The following MSI2 variants were observed in gnomAD, a reference collection of about 807,000 sequenced individuals.
MSI2 encodes musashi RNA binding protein 2.
In MSI2, 17 loss-of-function variants were observed where a neutral mutation model predicts 45.6. The ratio of observed to expected loss-of-function variants is 0.37; its 90% CI spans 0.26 to 0.56. MSI2 has a LOEUF of 0.56. Ranked by LOEUF, MSI2 falls within the 20% of genes least tolerant of loss-of-function variation. The pLI, the probability that MSI2 is intolerant of heterozygous loss-of-function variation, is 0.77. For missense variants in MSI2, 293 were observed against 444.2 expected, an observed-to-expected ratio of 0.66 and a Z score of 3.06; for synonymous variants, 156 against 158.2, an observed-to-expected ratio of 0.99 and a Z score of 0.11.
intron 8 of MSI2, among the ~76,000 whole-genome samples, chr17:57,602,917 G>T (rs927254205): frequency 6.6e-6 from 1 of 152,196 alleles, no homozygotes; most frequent in African/African-American, 2.4e-5. Flanking sequence ...AGTGATTGGC[G>T]TGCACATTAA....
At chr17:57,451,881 G>A (rs1396294098) in intron 6 of MSI2, among the ~76,000 whole-genome samples, 2 of 152,150 alleles carry the variant, frequency 1.3e-5, no homozygotes, top group Admixed American at 6.5e-5. Context: ...GAAGGGACAG[G>A]GTACAATCTG....
chr17:57,670,146 G>A (rs1461094553), intron 11 of MSI2, among the ~76,000 whole-genome samples: 1 of 152,224 alleles, frequency 6.6e-6, no homozygotes, highest in Non-Finnish European at 1.5e-5. Context: ...TAGAGCCAGA[G>A]GTGCCCCCCT....
chr17:57,284,953 A>G (rs1314995186), intron 5 of MSI2, among the ~76,000 whole-genome samples: 1 of 150,530 alleles, frequency 6.6e-6, no homozygotes, highest in East Asian at 1.9e-4. Flanking sequence ...TATTGAAACT[A>G]TGGAGCTTAG....
intron 7 of MSI2, among the ~76,000 whole-genome samples, chr17:57,543,926 A>G (rs553446342): frequency 3.2e-4 from 49 of 152,312 alleles, no homozygotes; most frequent in Middle Eastern, 3.4e-3. Flanking sequence ...ATCTAATTAC[A>G]TGTTTTTATT....
intron 7 of MSI2, among the ~76,000 whole-genome samples, chr17:57,532,907 T>C (rs1488833421): frequency 6.6e-6 from 1 of 152,210 alleles, no homozygotes; most frequent in Non-Finnish European, 1.5e-5. Context: ...CAACTCATCC[T>C]TACCCCAGGA....
intron 5 of MSI2, among the ~76,000 whole-genome samples, chr17:57,305,414 G>A (rs919626886): frequency 4.6e-5 from 7 of 152,146 alleles, no homozygotes; most frequent in Admixed American, 4.6e-4. Flanking sequence ...GTGCCTTCTT[G>A]CAAACAAACA....
chr17:57,549,781 C>T (rs1387767548), intron 7 of MSI2, among the ~76,000 whole-genome samples: 1 of 152,222 alleles, frequency 6.6e-6, no homozygotes, highest in Non-Finnish European at 1.5e-5. Flanking sequence ...AGCTCCTTGA[C>T]CCCTAGGTGG....
At chr17:57,459,053 G>A (rs1162725558) in intron 6 of MSI2, among the ~76,000 whole-genome samples, 5 of 152,230 alleles carry the variant, frequency 3.3e-5, no homozygotes, top group Non-Finnish European at 7.3e-5. Context: ...TGGGAGCTTG[G>A]CAGAGGCAGG....
At chr17:57,574,828 CTTTT>C (rs34704876) in intron 7 of MSI2, among the ~76,000 whole-genome samples, 10 of 128,390 alleles carry the variant, frequency 7.8e-5, no homozygotes, top group African/African-American at 2.3e-4. Context: ...CTCTCTCTCT[CTTTT>C]TTTTTTTTTT....
chr17:57,298,590 G>A (rs1268383668), intron 5 of MSI2, among the ~76,000 whole-genome samples: 2 of 152,160 alleles, frequency 1.3e-5, no homozygotes, highest in African/African-American at 4.8e-5. Context: ...GAGCCTGGGA[G>A]TTGGAGGCTG....
At chr17:57,358,402 G>A (rs78524595) in intron 5 of MSI2, among the ~76,000 whole-genome samples, 1,814 of 152,226 alleles carry the variant, frequency 0.012, 35 homozygotes, top group African/African-American at 0.041. Context: ...GCCAGGCTGC[G>A]TCCATTTGAA....
intron 5 of MSI2, among the ~76,000 whole-genome samples, chr17:57,270,349 G>A (rs1271090500): frequency 6.6e-6 from 1 of 152,188 alleles, no homozygotes; most frequent in African/African-American, 2.4e-5. Context: ...TAAGGTTCAG[G>A]GTTGGCCTTT....
At chr17:57,329,738 G>C (rs1914091548) in intron 5 of MSI2, among the ~76,000 whole-genome samples, 1 of 152,166 alleles carries the variant, frequency 6.6e-6, no homozygotes, top group South Asian at 2.1e-4. Flanking sequence ...ATTCATCTCA[G>C]CCAGCAGGCT....
intron 6 of MSI2, among the ~76,000 whole-genome samples, chr17:57,404,464 G>A (rs1184506389): frequency 3.9e-5 from 6 of 152,172 alleles, no homozygotes; most frequent in African/African-American, 9.7e-5. Flanking sequence ...TCTATTTGGC[G>A]AAGGTAGACA....
At chr17:57,475,685 A>G (rs2085523674) in intron 6 of MSI2, among the ~76,000 whole-genome samples, 1 of 152,086 alleles carries the variant, frequency 6.6e-6, no homozygotes, top group African/African-American at 2.4e-5. Context: ...CCCATGTCTC[A>G]GGGTGTCAGA....
At chr17:57,615,945 A>T in intron 8 of MSI2, 25 bp from the exon 9 acceptor site, 2 of 1,556,106 alleles carry the variant, frequency 1.3e-6, no homozygotes, top group East Asian at 4.5e-5. Context: ...TTTGCATCTC[A>T]TTTGTTCGCC....
chr17:57,370,979 G>A (rs1036283374), intron 5 of MSI2, among the ~76,000 whole-genome samples: 4 of 152,140 alleles, frequency 2.6e-5, no homozygotes, highest in African/African-American at 4.8e-5. Context: ...GATTTGATCC[G>A]CAGGAGAATC....
the MSI2 span, among the ~76,000 whole-genome samples, chr17:57,696,659 C>T: frequency 6.6e-6 from 1 of 152,076 alleles, no homozygotes; most frequent in African/African-American, 2.4e-5. Context: ...CACTTGAGCC[C>T]AGGAGTTCAA....
At chr17:57,690,162 T>C in the MSI2 span, among the ~76,000 whole-genome samples, 1 of 152,086 alleles carries the variant, frequency 6.6e-6, no homozygotes, top group Non-Finnish European at 1.5e-5. Context: ...TTTTTTTTTT[T>C]TTTTTAGTCA....
Sources: allele counts gnomAD v4.1 joint callset (sites outside exome capture counted in the v4.1 genomes callset), GRCh38; gene constraint gnomAD v4.1.1; transcripts MANE v1.5; gene names NCBI Gene and HGNC (gene_info 2026-07-23, HGNC 2026-07-21).